The following ERN1 variants were observed in gnomAD, a reference collection of about 807,000 sequenced individuals.
ERN1 encodes endoplasmic reticulum to nucleus signaling 1.
ERN1 carries 39 observed loss-of-function variants against 113.1 expected under a neutral mutation model. That is an observed-to-expected ratio of 0.34 (90% confidence interval 0.27 to 0.45). The LOEUF (loss-of-function observed/expected upper bound fraction) is 0.45. Among genes scored for constraint, ERN1 ranks in the 20% least tolerant of loss-of-function variants. The pLI is 1.00. For synonymous variants in ERN1, 507 were observed against 515.9 expected (o/e 0.98, Z 0.23); for missense variants, 976 against 1,274.8 (o/e 0.77, Z 3.57).
intron 2 of ERN1, among the ~76,000 whole-genome samples, chr17:64,081,299 G>A (rs1336804564): frequency 6.6e-6 from 1 of 152,152 alleles, no homozygotes; most frequent in East Asian, 1.9e-4. Flanking sequence ...CACCTCTTTG[G>A]AGCGGCAATT....
intron 1 of ERN1, among the ~76,000 whole-genome samples, chr17:64,126,716 C>T (rs1915090136): frequency 6.6e-6 from 1 of 152,120 alleles, no homozygotes; most frequent in South Asian, 2.1e-4. Flanking sequence ...TCAGTATAAA[C>T]ACTTGATATC....
intron 2 of ERN1, among the ~76,000 whole-genome samples, chr17:64,085,417 A>G (rs2003092): frequency 0.38 from 57,339 of 151,910 alleles, 13,335 homozygotes; most frequent in African/African-American, 0.66. Flanking sequence ...TTTAAGAACC[A>G]TCTCTCACAG....
intron 2 of ERN1, among the ~76,000 whole-genome samples, chr17:64,085,369 G>A (rs8070887): frequency 1.6e-3 from 251 of 152,194 alleles, no homozygotes; most frequent in African/African-American, 5.5e-3. Flanking sequence ...CTCACAGGGC[G>A]AGAGAAGCAG....
chr17:64,076,802 G>A (rs953117982), intron 4 of ERN1, among the ~76,000 whole-genome samples: 6 of 152,036 alleles, frequency 3.9e-5, no homozygotes, highest in Non-Finnish European at 8.8e-5. Flanking sequence ...GGGTTTCACC[G>A]TGTTAGCCAG....
chr17:64,102,602 T>C lies in ERN1; in HGVS notation c.55-4361A>G, dbSNP rs892379201. 18 of 928,324 alleles carry C rather than the reference T, an allele frequency of 1.9e-5. No homozygotes were observed. In the Admixed American group the frequency reaches 8.0e-4, roughly 41 times the overall value. 57.5% of individuals were successfully genotyped at this position (928,324 alleles called of 1,614,324 possible). A position where few individuals can be genotyped will look rare whatever the true frequency, so the allele number is the denominator to read the frequency against. On this transcript the variant is annotated intron_variant, in intron 1 of 21. Coordinates refer to ENST00000433197, the MANE Select transcript of ERN1 (RefSeq NM_001433.5). ...TGCCTGAGTTCAAATGTAGTTGCTA[T>C]AGCTAACATGAATTAAACATGTTTC...
chr17:64,075,931 AAGG>A (rs1445307325), intron 4 of ERN1, among the ~76,000 whole-genome samples: 2 of 152,218 alleles, frequency 1.3e-5, no homozygotes, highest in Non-Finnish European at 2.9e-5. Context: ...CTTCGAGGGA[AAGG>A]AGAAGTCGCC....
chr17:64,099,559 A>AT (rs1363350078), intron 1 of ERN1, among the ~76,000 whole-genome samples: 1 of 152,160 alleles, frequency 6.6e-6, no homozygotes, highest in Non-Finnish European at 1.5e-5. Context: ...CAACTTGCTT[A>AT]TACTGCAACA....
intron 2 of ERN1, among the ~76,000 whole-genome samples, chr17:64,090,749 A>G (rs1301139202): frequency 6.6e-6 from 1 of 152,250 alleles, no homozygotes; most frequent in African/African-American, 2.4e-5. Context: ...ATTACTTTGA[A>G]GCAAGTCCCA....
chr17:64,083,981 G>A (rs1913846891), intron 2 of ERN1, among the ~76,000 whole-genome samples: 1 of 152,124 alleles, frequency 6.6e-6, no homozygotes, highest in South Asian at 2.1e-4. Flanking sequence ...CACACAGGGA[G>A]GAACATTGCC....
chr17:64,054,674 C>A lies in ERN1; in HGVS notation c.1763+64G>T. On this transcript the variant is annotated intron_variant, in intron 14 of 21. Coordinates refer to ENST00000433197, the MANE Select transcript of ERN1 (RefSeq NM_001433.5). The surrounding 1 kb of genome is among the most constrained non-coding windows in gnomAD (Gnocchi z 4.9). ...GCTGTGCTCTGAGCCTGGCACCAGG[C>A]TCGCAACCTGACAGGCACTTAGACA... The A allele has an allele frequency of 7.4e-7, 1 of 1,347,894 alleles. No individual in the cohort carries two copies. 83.5% of individuals were successfully genotyped at this position (1,347,894 alleles called of 1,614,324 possible). A position where few individuals can be genotyped will look rare whatever the true frequency, so the allele number is the denominator to read the frequency against.
At chr17:64,129,909 G>A in intron 1 of ERN1, 67 bp downstream of exon 1, 5 of 1,306,224 alleles carry the variant, frequency 3.8e-6, no homozygotes, top group Non-Finnish European at 4.9e-6. Context: ...CCGGCGCCGC[G>A]ACGCTGCCCC....
At chr17:64,060,627 C>T (rs763007764) in intron 10 of ERN1, 40 bp from the exon 11 acceptor site, 18 of 1,476,894 alleles carry the variant, frequency 1.2e-5, no homozygotes, top group East Asian at 6.8e-5. Flanking sequence ...AACAATTTCC[C>T]GAGCTGTGGT....
intron 1 of ERN1, chr17:64,098,476 G>A: frequency 1.4e-6 from 1 of 706,094 alleles, no homozygotes; most frequent in Admixed American, 1.7e-5. Context: ...ACATTACAAG[G>A]ACAAGAATTC....
intron 1 of ERN1, among the ~76,000 whole-genome samples, chr17:64,115,472 G>T (rs578017746): frequency 1.3e-5 from 2 of 152,290 alleles, no homozygotes; most frequent in South Asian, 2.1e-4. Flanking sequence ...CAGAAAAAAA[G>T]ACGGCAAGTT....
intron 1 of ERN1, chr17:64,103,038 T>TC (rs1471138727): frequency 6.4e-6 from 5 of 777,790 alleles, no homozygotes; most frequent in Non-Finnish European, 7.8e-6. Flanking sequence ...AGCTAATTGG[T>TC]CCCCACAGAC....
intron 1 of ERN1, among the ~76,000 whole-genome samples, chr17:64,108,329 T>TCAA (rs1410024288): frequency 6.6e-6 from 1 of 152,212 alleles, no homozygotes; most frequent in Non-Finnish European, 1.5e-5. Context: ...GTGTCTGAGT[T>TCAA]CAACCATTTG....
intron 1 of ERN1, among the ~76,000 whole-genome samples, chr17:64,117,399 C>T (rs985884019): frequency 1.3e-5 from 2 of 151,490 alleles, no homozygotes; most frequent in African/African-American, 2.4e-5. Flanking sequence ...GCCAAAATCA[C>T]GCCACTGCAC....
intron 1 of ERN1, among the ~76,000 whole-genome samples, chr17:64,119,537 C>T (rs897363209): frequency 6.6e-5 from 10 of 151,314 alleles, no homozygotes; most frequent in African/African-American, 1.5e-4. Context: ...TACAGGCACG[C>T]GCCACCACGC....
chr17:64,066,775 A>G lies in ERN1; in HGVS notation c.738T>C (p.Ala246=), dbSNP rs768246163. Residue 246 remains alanine, a synonymous_variant, in exon 8 of 22, where the codon GCT becomes GCC. Transcript: ENST00000433197. ...AGGTCAGATAGCGCAGGGTCTCCAC[A>G]GCGACATTGATGTGCATCACCTTCC... The part of the protein sequence containing the change: ...GLRKVMHINV[A]VETLRYLTFM... 2.1e-5 allele frequency: 34 copies of G among 1,613,774 alleles called. No homozygotes were observed. The South Asian group carries it at 3.6e-4, about 17-fold the overall frequency.
Sources: allele counts gnomAD v4.1 joint callset (sites outside exome capture counted in the v4.1 genomes callset), GRCh38; gene constraint gnomAD v4.1.1; non-coding constraint Gnocchi (gnomAD v3.1); transcripts MANE v1.5; gene names NCBI Gene and HGNC (gene_info 2026-07-23, HGNC 2026-07-21).